PDE4D: variants seen among roughly 807,000 people sequenced by gnomAD.
PDE4D encodes the protein phosphodiesterase 4D.
Under a neutral mutation model 87.4 loss-of-function variants are expected in PDE4D, and 24 were observed. That is an observed-to-expected ratio of 0.27 (90% CI 0.20 to 0.39). PDE4D has a LOEUF of 0.39. PDE4D is among the 10% of genes least tolerant of loss of function. PDE4D has a pLI of 1.00. For synonymous variants in PDE4D, 384 were observed against 383.2 expected (o/e 1.00, Z -0.02); for missense variants, 714 against 1,041.0 (o/e 0.69, Z 4.32).
chr5:59,126,850 C>T (rs1775477090), intron 5 of PDE4D, among the ~76,000 whole-genome samples: 1 of 152,162 alleles, frequency 6.6e-6, no homozygotes, highest in South Asian at 2.1e-4. Context: ...GCGTGTTATA[C>T]AGCTGATATC....
intron 1 of PDE4D, among the ~76,000 whole-genome samples, chr5:60,445,393 C>A (rs946015951): frequency 6.6e-6 from 1 of 152,004 alleles, no homozygotes; most frequent in Non-Finnish European, 1.5e-5. Context: ...ATAGATTATT[C>A]AACAAATCAT....
chr5:60,519,374 G>A (rs1406571677), intron 1 of PDE4D, among the ~76,000 whole-genome samples: 3 of 152,182 alleles, frequency 2.0e-5, no homozygotes, highest in African/African-American at 4.8e-5. Flanking sequence ...AGGTCAGAAA[G>A]TTAAAACACA....
rs1335389317 is a variant in PDE4D, at chr5:59,497,136, C to T, written c.456-281168G>A. Among the ~76,000 whole-genome samples, 16 of 152,274 alleles carry T rather than the reference C, an allele frequency of 1.1e-4. No individual in the cohort carries two copies. The South Asian group carries it at 1.7e-3, about 16-fold the overall frequency. On this transcript the variant is annotated intron_variant, in intron 1 of 14. Coordinates refer to ENST00000340635, the MANE Select transcript of PDE4D (RefSeq NM_001104631.2). ...AGCTGATCCACCCATACACATTTTA[C>T]ACCACAGTCATACCCACAAGGGAAA...
At chr5:60,288,285 A>G (rs1031086548) in intron 1 of PDE4D, among the ~76,000 whole-genome samples, 1 of 152,236 alleles carries the variant, frequency 6.6e-6, no homozygotes, top group African/African-American at 2.4e-5. Flanking sequence ...AGGAGGTTAA[A>G]TCATTATTTG....
intron 1 of PDE4D, among the ~76,000 whole-genome samples, chr5:59,495,627 G>T (rs1388468953): frequency 1.3e-5 from 2 of 152,204 alleles, no homozygotes; most frequent in Non-Finnish European, 2.9e-5. Flanking sequence ...TTAGAAGACT[G>T]CAGGGGCAGG....
chr5:59,504,902 A>ATGTGTG lies in PDE4D; in HGVS notation c.456-288940_456-288935dup, dbSNP rs61507201. On this transcript the variant is annotated intron_variant, in intron 1 of 14. Transcript: ENST00000340635. ...TTTCATACTTTCTTGGTAGGGGTAT[A>ATGTGTG]TGTGTGTGTGTGTGTGTGTGTGTGT... is the stretch of plus-strand genomic sequence containing the variant. Among the ~76,000 whole-genome samples, 1,356 of 145,798 alleles carry ATGTGTG rather than the reference A, an allele frequency of 9.3e-3. 15 individuals carry two copies. The highest frequency in any genetic ancestry group is 0.045 in the East Asian group (218 of 4,800).
chr5:60,501,983 C>T (rs1750100878), intron 1 of PDE4D, among the ~76,000 whole-genome samples: 1 of 152,124 alleles, frequency 6.6e-6, no homozygotes, highest in Non-Finnish European at 1.5e-5. Flanking sequence ...GTTTCTTTTG[C>T]TGTGCAGAAG....
chr5:59,225,515 C>A lies in PDE4D; in HGVS notation c.456-9547G>T, dbSNP rs143967332. Among the ~76,000 whole-genome samples, 387 of 152,206 alleles carry A rather than the reference C, an allele frequency of 2.5e-3. 3 individuals carry two copies. Among genetic ancestry groups the A allele is most frequent in the African/African-American group, 9.1e-3 (378 of 41,560 alleles). On this transcript the variant is annotated intron_variant, in intron 1 of 14. Transcript: ENST00000340635. The stretch of plus-strand genomic sequence containing the variant: ...GTGGTTTCTTATGAAGACTGCTTTT[C>A]TATTTCTATAAAAAATACCATTGGG...
rs536352059 is a variant in PDE4D at position 59,774,841 on chromosome 5, C to T, written c.455+118327G>A. On this transcript the variant is annotated intron_variant, in intron 1 of 14. Transcript: ENST00000340635. Reference sequence around the variant, plus strand: ...TAGTGAGTAGCTGGGATTACAGGCACCAACCACCATGCCGGGCTAATTTTC... The same window carrying T: ...TAGTGAGTAGCTGGGATTACAGGCATCAACCACCATGCCGGGCTAATTTTC... Among the ~76,000 whole-genome samples, 21 of 151,980 alleles carry T rather than the reference C, an allele frequency of 1.4e-4. No homozygotes were observed. In the South Asian group the frequency reaches 4.4e-3, roughly 32 times the overall value.
intron 2 of PDE4D, among the ~76,000 whole-genome samples, chr5:60,123,215 G>T: frequency 6.6e-6 from 1 of 152,150 alleles, no homozygotes; most frequent in East Asian, 1.9e-4. Context: ...ACCTCTGCCT[G>T]TTGGGCAATT....
At chr5:59,810,351 A>G (rs1323060610) in intron 1 of PDE4D, among the ~76,000 whole-genome samples, 2 of 152,222 alleles carry the variant, frequency 1.3e-5, no homozygotes, top group Non-Finnish European at 2.9e-5. Flanking sequence ...ATGGAACAGG[A>G]TGGTTCATGC....
intron 1 of PDE4D, among the ~76,000 whole-genome samples, chr5:59,285,090 A>G (rs1319040690): frequency 8.2e-6 from 1 of 122,236 alleles, no homozygotes; most frequent in African/African-American, 3.1e-5. Context: ...GAGGGATAGC[A>G]TTGGGAGATA....
chr5:59,130,162 G>T (rs2153450526), intron 5 of PDE4D, among the ~76,000 whole-genome samples: 1 of 152,058 alleles, frequency 6.6e-6, no homozygotes, highest in East Asian at 1.9e-4. Flanking sequence ...ATGATCATTG[G>T]CCTGCATTAT....
intron 6 of PDE4D, among the ~76,000 whole-genome samples, chr5:58,994,798 C>T (rs1399405601): frequency 6.6e-6 from 1 of 152,102 alleles, no homozygotes; most frequent in East Asian, 1.9e-4. Context: ...AAAAAACCCT[C>T]AACCATTTCA....
intron 1 of PDE4D, among the ~76,000 whole-genome samples, chr5:59,332,570 A>T (rs1406218749): frequency 6.6e-6 from 1 of 152,212 alleles, no homozygotes; most frequent in East Asian, 1.9e-4. Flanking sequence ...ACAAATTGAC[A>T]TTAGGCTTTA....
chr5:59,241,831 G>T (rs1450193628), intron 1 of PDE4D, among the ~76,000 whole-genome samples: 3 of 152,130 alleles, frequency 2.0e-5, no homozygotes, highest in Non-Finnish European at 2.9e-5. Context: ...ATTTTGAAAT[G>T]ACTAAAATAT....
chr5:59,023,179 A>G (rs1409041270), intron 6 of PDE4D, among the ~76,000 whole-genome samples: 3 of 143,412 alleles, frequency 2.1e-5, no homozygotes, highest in Non-Finnish European at 4.6e-5. Context: ...TAACTCAAGG[A>G]AAAAAAAAAA....
chr5:59,519,995 C>T (rs1167997091), intron 1 of PDE4D, among the ~76,000 whole-genome samples: 1 of 152,114 alleles, frequency 6.6e-6, no homozygotes, highest in Non-Finnish European at 1.5e-5. Flanking sequence ...GACACGGTAC[C>T]TCACACCTGT....
At chr5:59,282,778 C>T (rs1039378849) in intron 1 of PDE4D, among the ~76,000 whole-genome samples, 2 of 151,046 alleles carry the variant, frequency 1.3e-5, no homozygotes, top group South Asian at 2.1e-4. Context: ...AGAAAGTAAA[C>T]TCTCATCAGG....
Sources: gnomAD v4.1 joint callset for allele counts (sites outside exome capture counted in the v4.1 genomes callset) on GRCh38, gnomAD v4.1.1 for gene constraint, MANE v1.5 for transcripts, NCBI Gene and HGNC (gene_info 2026-07-23, HGNC 2026-07-21) for gene names.